The following CAST variants were observed in gnomAD, a reference collection of about 807,000 sequenced individuals.
CAST encodes the protein MIR583 host.
Under a neutral mutation model 119.6 loss-of-function variants are expected in CAST, and 76 were observed. That is an observed-to-expected ratio of 0.64 (90% CI 0.53 to 0.77). The LOEUF is 0.77. Ranked by LOEUF, CAST falls within the 30% of genes least tolerant of loss-of-function variation. CAST has a pLI of 0.00. For missense variants in CAST, 953 were observed against 946.5 expected (o/e 1.01, Z -0.09); for synonymous variants, 319 against 331.6 (o/e 0.96, Z 0.41).
chr5:96,045,849 TA>T, the CAST span, among the ~76,000 whole-genome samples: 1 of 151,974 alleles, frequency 6.6e-6, no homozygotes, highest in Non-Finnish European at 1.5e-5. Flanking sequence ...AAAATATAGG[TA>T]CAAAAAAGTT....
At chr5:96,485,457 A>C in the CAST span, among the ~76,000 whole-genome samples, 1 of 152,202 alleles carries the variant, frequency 6.6e-6, no homozygotes, top group Non-Finnish European at 1.5e-5. Context: ...TTTTTGGTTA[A>C]AATTAAAAAG....
chr5:96,762,132 AAAATTATATGTTATTATGAGTCTAT>A, intron 24 of CAST, 117 bp from the exon 25 acceptor site: 1 of 459,456 alleles, frequency 2.2e-6, no homozygotes, highest in Non-Finnish European at 3.9e-6. Context: ...AATTTCTTTT[AAAATTATATGTTATTATGAGTCTAT>A]TTGGTCAAGA....
At chr5:96,523,935 A>G (rs1294181432), upstream of CAST, among the ~76,000 whole-genome samples, 1 of 152,248 alleles carries the variant, frequency 6.6e-6, no homozygotes, top group Non-Finnish European at 1.5e-5. Flanking sequence ...TGGGAAATGT[A>G]GTGTCTATTA....
the CAST span, among the ~76,000 whole-genome samples, chr5:96,049,570 C>T: frequency 2.0e-5 from 3 of 152,114 alleles, no homozygotes; most frequent in East Asian, 3.9e-4. Context: ...CCTTACTTCT[C>T]AGGGATCCCA....
At chr5:96,582,672 A>C (rs6880222) in intron 1 of CAST, among the ~76,000 whole-genome samples, 11,816 of 152,300 alleles carry the variant, frequency 0.078, 978 homozygotes, top group East Asian at 0.31. Flanking sequence ...AGCGGTTTGC[A>C]AACTGTAACC....
chr5:96,688,656 CAT>C (rs1283249896), intron 2 of CAST, among the ~76,000 whole-genome samples: 4 of 152,196 alleles, frequency 2.6e-5, no homozygotes, highest in African/African-American at 9.6e-5. Flanking sequence ...AATATGTTAT[CAT>C]GTGCATATTT....
the CAST span, among the ~76,000 whole-genome samples, chr5:96,429,883 C>G: frequency 5.3e-5 from 8 of 152,292 alleles, no homozygotes; most frequent in South Asian, 1.7e-3. Context: ...CTATTTTACA[C>G]ACATTGGAGG....
At chr5:96,255,436 A>G in the CAST span, among the ~76,000 whole-genome samples, 1 of 152,186 alleles carries the variant, frequency 6.6e-6, no homozygotes, top group Non-Finnish European at 1.5e-5. Context: ...CAAGTTTCTC[A>G]GAGTTCTTTT....
At chr5:96,694,063 T>G (rs918961960) in intron 2 of CAST, among the ~76,000 whole-genome samples, 4 of 152,134 alleles carry the variant, frequency 2.6e-5, no homozygotes, top group Non-Finnish European at 5.9e-5. Context: ...AAGGCAAAAT[T>G]TACCCTGAAG....
At chr5:96,205,872 A>G in the CAST span, among the ~76,000 whole-genome samples, 1 of 151,908 alleles carries the variant, frequency 6.6e-6, no homozygotes, top group East Asian at 1.9e-4. Flanking sequence ...TGGTAGCTCT[A>G]TTTTTAAATA....
the CAST span, among the ~76,000 whole-genome samples, chr5:96,409,146 A>G: frequency 3.4e-4 from 52 of 152,344 alleles, no homozygotes; most frequent in African/African-American, 1.2e-3. Flanking sequence ...GCTGAGATGA[A>G]GGGAAGAAAC....
the CAST span, among the ~76,000 whole-genome samples, chr5:95,978,030 T>G: frequency 1.3e-5 from 2 of 152,186 alleles, no homozygotes; most frequent in Non-Finnish European, 2.9e-5. Flanking sequence ...GTACCACATT[T>G]TCTTTATCCA....
chr5:95,990,333 G>A, the CAST span, among the ~76,000 whole-genome samples: 1 of 151,942 alleles, frequency 6.6e-6, no homozygotes, highest in Non-Finnish European at 1.5e-5. Flanking sequence ...AGGAGATATA[G>A]GGAGTTTAAA....
chr5:96,573,290 T>A (rs927622595), intron 1 of CAST, among the ~76,000 whole-genome samples: 10 of 152,158 alleles, frequency 6.6e-5, no homozygotes, highest in African/African-American at 2.4e-4. Flanking sequence ...TCTTGTTTTT[T>A]TTGTTTTATT....
chr5:96,057,658 C>T, the CAST span, among the ~76,000 whole-genome samples: 1 of 152,176 alleles, frequency 6.6e-6, no homozygotes, highest in Non-Finnish European at 1.5e-5. Context: ...AAAACCATGA[C>T]ATCTGCTAGT....
At chr5:96,371,699 A>G in the CAST span, among the ~76,000 whole-genome samples, 1 of 152,200 alleles carries the variant, frequency 6.6e-6, no homozygotes, top group Admixed American at 6.5e-5. Context: ...GTGTTCAATA[A>G]ATACCCATTG....
At chr5:96,394,948 A>G in the CAST span, 1 of 1,614,108 alleles carries the variant, frequency 6.2e-7, no homozygotes, top group East Asian at 2.2e-5. Context: ...GCTGCTTCAT[A>G]TGCTCTGGCT....
At chr5:96,415,739 C>T in the CAST span, among the ~76,000 whole-genome samples, 1 of 152,108 alleles carries the variant, frequency 6.6e-6, no homozygotes, top group Admixed American at 6.5e-5. Context: ...CACTCAATAA[C>T]AAACCATTCT....
the CAST span, among the ~76,000 whole-genome samples, chr5:96,357,601 G>T: frequency 6.6e-6 from 1 of 152,176 alleles, no homozygotes; most frequent in Admixed American, 6.5e-5. Context: ...TGTGGTTTTT[G>T]TCTTTGGTTC....
Sources: gnomAD v4.1 joint callset for allele counts (sites outside exome capture counted in the v4.1 genomes callset) on GRCh38, gnomAD v4.1.1 for gene constraint, MANE v1.5 for transcripts, NCBI Gene and HGNC (gene_info 2026-07-23, HGNC 2026-07-21) for gene names.